CFAP54: variants seen among roughly 807,000 people sequenced by gnomAD.
CFAP54 encodes the protein cilia- and flagella-associated protein 54.
CFAP54 carries 290 observed loss-of-function variants against 370.4 expected under a neutral mutation model. That is an observed-to-expected ratio of 0.78 (90% CI 0.71 to 0.86). CFAP54 has a LOEUF of 0.86. Ranked by LOEUF, CFAP54 falls within the 40% of genes least tolerant of loss-of-function variation. CFAP54 has a pLI of 0.00. For synonymous variants in CFAP54, 1,206 were observed against 1,236.5 expected (o/e 0.98, Z 0.52); for missense variants, 3,399 against 3,528.7 (o/e 0.96, Z 0.93).
At chr12:96,635,083 A>G (rs1356346926) in intron 32 of CFAP54, among the ~76,000 whole-genome samples, 3 of 152,182 alleles carry the variant, frequency 2.0e-5, no homozygotes, top group Non-Finnish European at 2.9e-5. Context: ...ACCATTTCAT[A>G]TACATTTTAG....
At chr12:96,656,556 T>G (rs144322110) in intron 36 of CFAP54, among the ~76,000 whole-genome samples, 2 of 152,320 alleles carry the variant, frequency 1.3e-5, no homozygotes, top group South Asian at 4.1e-4. Flanking sequence ...TAATTTTGTA[T>G]TTTTAGTAGA....
chr12:96,700,761 T>C (rs996412946), intron 46 of CFAP54, among the ~76,000 whole-genome samples: 5 of 152,180 alleles, frequency 3.3e-5, no homozygotes, highest in Admixed American at 2.0e-4. Flanking sequence ...TGGGTGATCA[T>C]GCTTCAGGCA....
At chr12:96,771,933 G>A (rs1958467041) in intron 60 of CFAP54, among the ~76,000 whole-genome samples, 1 of 152,120 alleles carries the variant, frequency 6.6e-6, no homozygotes. Flanking sequence ...AACATCTTTG[G>A]GTTAGGAAGA....
intron 22 of CFAP54, among the ~76,000 whole-genome samples, chr12:96,587,462 G>A (rs1956084407): frequency 6.6e-6 from 1 of 152,130 alleles, no homozygotes; most frequent in Non-Finnish European, 1.5e-5. Flanking sequence ...TAGTCTTTTA[G>A]TGCTTCTTTC....
intron 56 of CFAP54, among the ~76,000 whole-genome samples, chr12:96,754,935 G>C (rs923561298): frequency 1.3e-5 from 2 of 152,004 alleles, no homozygotes; most frequent in African/African-American, 2.4e-5. Context: ...GTAGAGATGG[G>C]GTTTCACTAT....
At chr12:96,772,987 T>C (rs1365657966) in intron 60 of CFAP54, among the ~76,000 whole-genome samples, 1 of 148,402 alleles carries the variant, frequency 6.7e-6, no homozygotes, top group Non-Finnish European at 1.5e-5. Context: ...TGAACATCTT[T>C]AGGGGACCAT....
chr12:96,666,001 G>C (rs926434321), intron 39 of CFAP54, among the ~76,000 whole-genome samples: 2 of 152,150 alleles, frequency 1.3e-5, no homozygotes, highest in South Asian at 4.1e-4. Flanking sequence ...TCTTTGAGCA[G>C]TGGTTTGTGG....
intron 46 of CFAP54, among the ~76,000 whole-genome samples, chr12:96,704,021 C>A (rs144312060): frequency 6.6e-6 from 1 of 152,188 alleles, no homozygotes. Context: ...AGGCTACATT[C>A]ATAGGATAAA....
chr12:96,542,134 A>G (rs1955582615), intron 14 of CFAP54, among the ~76,000 whole-genome samples: 2 of 152,164 alleles, frequency 1.3e-5, no homozygotes, highest in Admixed American at 6.5e-5. Context: ...AGGACTTCGT[A>G]ATAAAGTTAC....
chr12:96,554,997 A>G (rs1955737346), intron 17 of CFAP54, 195 bp downstream of exon 17: 2 of 426,646 alleles, frequency 4.7e-6, no homozygotes, highest in Non-Finnish European at 7.9e-6. Flanking sequence ...TTGCATATTA[A>G]ATCAGTTAGT....
intron 63 of CFAP54, among the ~76,000 whole-genome samples, chr12:96,801,791 T>C (rs1565983135): frequency 6.6e-6 from 1 of 152,136 alleles, no homozygotes; most frequent in East Asian, 1.9e-4. Context: ...GGCCCTTCCT[T>C]TGGGCACCTG....
At chr12:96,836,762 G>A (rs1184580035) in intron 66 of CFAP54, among the ~76,000 whole-genome samples, 1 of 152,082 alleles carries the variant, frequency 6.6e-6, no homozygotes, top group Non-Finnish European at 1.5e-5. Flanking sequence ...CATTATTAAT[G>A]TGCATTCCAT....
chr12:96,862,646 A>G (rs1209579402), intron 67 of CFAP54, among the ~76,000 whole-genome samples: 1 of 152,222 alleles, frequency 6.6e-6, no homozygotes, highest in Non-Finnish European at 1.5e-5. Context: ...AATGAAAGAG[A>G]AAAAGAACCA....
intron 50 of CFAP54, among the ~76,000 whole-genome samples, chr12:96,729,088 C>A (rs897468758): frequency 1.3e-5 from 2 of 152,168 alleles, no homozygotes; most frequent in East Asian, 1.9e-4. Context: ...TCTGCCCCTA[C>A]TGGGGGGTGC....
At position 96,651,097 on chromosome 12, in the gene CFAP54, A is replaced by T. The variant is rs149008211; in HGVS notation, c.4873-491A>T. 1.1e-4 allele frequency among the ~76,000 whole-genome samples: 17 copies of T among 152,290 alleles called. 1 individual carries two copies. The highest frequency in any genetic ancestry group is 4.1e-4 in the African/African-American group (17 of 41,554). ...CTCAAATGCTACCTCATCAGAGAGG[A>T]CTTCTTTCCTGACCACCCTGTCTAA... On this transcript the variant is annotated intron_variant, in intron 35 of 67. Transcript: ENST00000524981.
At chr12:96,862,432 T>C (rs754012816) in intron 67 of CFAP54, among the ~76,000 whole-genome samples, 1 of 152,096 alleles carries the variant, frequency 6.6e-6, no homozygotes, top group Non-Finnish European at 1.5e-5. Flanking sequence ...CAGGATTGAA[T>C]CAGTAGATAA....
intron 67 of CFAP54, among the ~76,000 whole-genome samples, chr12:96,865,737 G>A (rs368414075): frequency 1.1e-4 from 16 of 152,044 alleles, no homozygotes; most frequent in Admixed American, 4.6e-4. Flanking sequence ...TTATTGGCTC[G>A]CCTATCAGTA....
chr12:96,554,695 G>A lies in CFAP54; in HGVS notation c.2303G>A (p.Gly768Glu), dbSNP rs75218130. Residue 768 changes from glycine (G) to glutamate (E), a missense_variant, in exon 17 of 68, where the codon GGA (glycine) becomes GAA (glutamate). This residue lies in a region of CFAP54 where 2,796 missense variants were observed against 2,869.7 expected (regional missense o/e 0.97). Transcript: ENST00000524981. ...CCAAAGCGTACCCACCATATAGATG[G>A]AGATACTTACAAACCACTTGCCTCA... ...CYAKRTHHID[G>E]DTYKPLASNS... The A allele has an allele frequency of 3.0e-3, 4,658 of 1,533,402 alleles. 108 individuals carry two copies. In the African/African-American group the frequency reaches 0.052, roughly 17 times the overall value. The allele number at this position is 1,533,402 out of a possible 1,614,324, so 95.0% of individuals were successfully genotyped here.
chr12:96,535,622 A>C, intron 12 of CFAP54, 22 bp downstream of exon 12: 1 of 1,492,088 alleles, frequency 6.7e-7, no homozygotes, highest in Non-Finnish European at 9.0e-7. Flanking sequence ...ATTTTAAATA[A>C]TTTTTATTAG....
Sources: allele counts gnomAD v4.1 joint callset (sites outside exome capture counted in the v4.1 genomes callset), GRCh38; gene constraint gnomAD v4.1.1; regional missense constraint gnomAD v4.1.1; transcripts MANE v1.5; gene names NCBI Gene and HGNC (gene_info 2026-07-23, HGNC 2026-07-21).